FSTL5: variants seen among roughly 807,000 people sequenced by gnomAD.
FSTL5 encodes the protein follistatin-related protein 5.
In FSTL5, 62 loss-of-function variants were observed where a neutral mutation model predicts 89.1. The ratio of observed to expected loss-of-function variants is 0.70; its 90% CI spans 0.57 to 0.86. The LOEUF (loss-of-function observed/expected upper bound fraction) is 0.86. Among genes scored for constraint, FSTL5 ranks in the 40% least tolerant of loss-of-function variants. FSTL5 has a pLI of 0.00. For missense variants in FSTL5, 1,057 were observed against 1,001.6 expected (o/e 1.06, Z -0.75); for synonymous variants, 383 against 346.2 (o/e 1.11, Z -1.18).
chr4:161,777,746 A>C (rs559954436), intron 4 of FSTL5, among the ~76,000 whole-genome samples: 1 of 152,308 alleles, frequency 6.6e-6, no homozygotes, highest in African/African-American at 2.4e-5. Context: ...ATAACAGCAC[A>C]ATACTGGGAA....
chr4:162,105,767 G>A (rs1164856907), intron 2 of FSTL5, among the ~76,000 whole-genome samples: 3 of 151,904 alleles, frequency 2.0e-5, no homozygotes, highest in South Asian at 2.1e-4. Flanking sequence ...TCCTCTGACC[G>A]AGGACATATT....
chr4:161,947,444 A>T (rs1022045358), intron 3 of FSTL5, among the ~76,000 whole-genome samples: 2 of 152,044 alleles, frequency 1.3e-5, no homozygotes, highest in African/African-American at 4.8e-5. Flanking sequence ...AAAGGTTGAA[A>T]TTCTTTTTTC....
chr4:161,756,312 T>A lies in FSTL5; in HGVS notation c.727+3099A>T, dbSNP rs371501958. Among the ~76,000 whole-genome samples, 5 of 152,028 alleles carry A rather than the reference T, an allele frequency of 3.3e-5. No individual in the cohort carries two copies. In the South Asian group the frequency reaches 1.0e-3, roughly 31 times the overall value. On this transcript the variant is annotated intron_variant, in intron 6 of 15. Transcript: ENST00000306100. ...AAGCAATTTCATTACCCAACTAACGTCTCTTTATGACTATTAAAAATGTAG... is the reference window on the plus strand; with the variant it reads ...AAGCAATTTCATTACCCAACTAACGACTCTTTATGACTATTAAAAATGTAG...
intron 7 of FSTL5, among the ~76,000 whole-genome samples, chr4:161,643,299 C>T (rs7688423): frequency 0.32 from 48,301 of 151,858 alleles, 8,022 homozygotes; most frequent in African/African-American, 0.41. Context: ...AAGTCTGTGG[C>T]TCCCTTTACT....
intron 3 of FSTL5, among the ~76,000 whole-genome samples, chr4:161,996,848 C>T (rs1421919677): frequency 2.0e-5 from 3 of 152,122 alleles, no homozygotes; most frequent in African/African-American, 4.8e-5. Context: ...ATATCTATTG[C>T]TAATTAGAAA....
chr4:161,628,880 G>A (rs2126653490), intron 7 of FSTL5, among the ~76,000 whole-genome samples: 1 of 152,152 alleles, frequency 6.6e-6, no homozygotes, highest in East Asian at 1.9e-4. Flanking sequence ...GAATAATAAA[G>A]GTCTGTATAT....
At chr4:161,630,196 T>C (rs12640031) in intron 7 of FSTL5, among the ~76,000 whole-genome samples, 32,615 of 152,208 alleles carry the variant, frequency 0.21, 3,712 homozygotes, top group Middle Eastern at 0.39. Flanking sequence ...TGCAGTGAGG[T>C]GACTCACCAT....
intron 14 of FSTL5, 32 bp downstream of exon 14, chr4:161,459,180 T>C (rs1733471465): frequency 4.1e-6 from 5 of 1,211,370 alleles, no homozygotes; most frequent in Non-Finnish European, 6.1e-6. Flanking sequence ...TTAAAGATTG[T>C]TATTTTCTCT....
chr4:161,963,783 G>C (rs947291771), intron 3 of FSTL5, among the ~76,000 whole-genome samples: 1 of 151,872 alleles, frequency 6.6e-6, no homozygotes, highest in East Asian at 1.9e-4. Context: ...ACTATGCTGT[G>C]CCAAACAAAT....
At chr4:161,765,448 A>C (rs1376593058) in intron 5 of FSTL5, among the ~76,000 whole-genome samples, 1 of 152,200 alleles carries the variant, frequency 6.6e-6, no homozygotes, top group African/African-American at 2.4e-5. Flanking sequence ...CCTTTTTACA[A>C]ATACTTATAA....
chr4:161,990,627 G>A (rs1189293334), intron 3 of FSTL5, among the ~76,000 whole-genome samples: 11 of 151,848 alleles, frequency 7.2e-5, no homozygotes, highest in Non-Finnish European at 1.5e-5. Context: ...ATACAAGCAG[G>A]TGTGCAATTA....
At chr4:161,927,592 T>C (rs1440002090) in intron 3 of FSTL5, among the ~76,000 whole-genome samples, 1 of 151,776 alleles carries the variant, frequency 6.6e-6, no homozygotes, top group East Asian at 1.9e-4. Context: ...TTTTAAGTTT[T>C]AACTTTAAAA....
At chr4:161,441,277 T>C (rs1480423628) in intron 15 of FSTL5, among the ~76,000 whole-genome samples, 1 of 152,136 alleles carries the variant, frequency 6.6e-6, no homozygotes, top group East Asian at 1.9e-4. Flanking sequence ...ACAACACCAA[T>C]ATTAAAACTC....
At position 161,731,276 on chromosome 4, in the gene FSTL5, C is replaced by T. The variant is rs187033461; in HGVS notation, c.727+28135G>A. 5.9e-5 allele frequency among the ~76,000 whole-genome samples: 9 copies of T among 152,232 alleles called. No homozygotes were observed. The East Asian group carries it at 9.7e-4, about 16-fold the overall frequency. On this transcript the variant is annotated intron_variant, in intron 6 of 15. Transcript: ENST00000306100. ...CTTTCCTTGCACTATTTATCCCCAA[C>T]GTCACACCTTCCCAGACAAACACTG... is the stretch of plus-strand genomic sequence containing the variant.
chr4:161,390,751 T>C (rs1244935138), intron 15 of FSTL5, among the ~76,000 whole-genome samples: 1 of 152,058 alleles, frequency 6.6e-6, no homozygotes, highest in African/African-American at 2.4e-5. Flanking sequence ...CTCGTAAGTA[T>C]AGAACTCTGG....
chr4:161,543,106 A>G (rs28638364), intron 8 of FSTL5, among the ~76,000 whole-genome samples: 18,321 of 152,036 alleles, frequency 0.12, 1,271 homozygotes, highest in African/African-American at 0.18. Flanking sequence ...ATAAATAAAT[A>G]AATGAGTATA....
At chr4:161,741,764 T>C (rs1213587445) in intron 6 of FSTL5, among the ~76,000 whole-genome samples, 1 of 149,218 alleles carries the variant, frequency 6.7e-6, no homozygotes, top group Non-Finnish European at 1.5e-5. Flanking sequence ...CTTGGCTCAC[T>C]GCAACGTTCG....
At chr4:161,660,682 T>C (rs534471455) in intron 6 of FSTL5, among the ~76,000 whole-genome samples, 15 of 152,240 alleles carry the variant, frequency 9.9e-5, no homozygotes, top group African/African-American at 2.6e-4. Flanking sequence ...TGTCCGTGTG[T>C]TCTCATCATT....
At chr4:161,446,473 G>T (rs1477373102) in intron 15 of FSTL5, among the ~76,000 whole-genome samples, 1 of 151,856 alleles carries the variant, frequency 6.6e-6, no homozygotes, top group Non-Finnish European at 1.5e-5. Flanking sequence ...GTTGCATCAA[G>T]AAAAATTTCA....
Sources: gnomAD v4.1 joint callset for allele counts (sites outside exome capture counted in the v4.1 genomes callset) on GRCh38, gnomAD v4.1.1 for gene constraint, MANE v1.5 for transcripts, NCBI Gene and HGNC (gene_info 2026-07-23, HGNC 2026-07-21) for gene names.